TBC1D4: variants seen among roughly 807,000 people sequenced by gnomAD.
The protein encoded by TBC1D4 is TBC1 domain family member 4, also known as TBC (Tre-2, BUB2, CDC16) domain-containing protein.
Under a neutral mutation model 142.5 loss-of-function variants are expected in TBC1D4, and 121 were observed. That is an observed-to-expected ratio of 0.85 (90% CI 0.73 to 0.99). The LOEUF (loss-of-function observed/expected upper bound fraction) is 0.99, where lower values mean the gene tolerates loss of function less well. Among genes scored for constraint, TBC1D4 ranks in the 50% least tolerant of loss-of-function variants. The pLI is 0.00. For missense variants in TBC1D4, 1,475 were observed against 1,606.6 expected (o/e 0.92, Z 1.40); for synonymous variants, 630 against 628.2 (o/e 1.00, Z -0.04).
At chr13:75,443,230 A>G (rs977775558) in intron 1 of TBC1D4, among the ~76,000 whole-genome samples, 3 of 140,246 alleles carry the variant, frequency 2.1e-5, no homozygotes, top group African/African-American at 7.4e-5. Context: ...TGAAGAATGA[A>G]AAGGCAAGAA....
At chr13:75,369,738 A>C (rs760403952) in intron 1 of TBC1D4, among the ~76,000 whole-genome samples, 1 of 152,238 alleles carries the variant, frequency 6.6e-6, no homozygotes, top group African/African-American at 2.4e-5. Flanking sequence ...AAAATGAATT[A>C]GATGTGAAAA....
intron 1 of TBC1D4, among the ~76,000 whole-genome samples, chr13:75,474,148 TTAA>T (rs1888532582): frequency 1.3e-5 from 2 of 152,226 alleles, no homozygotes; most frequent in Non-Finnish European, 2.9e-5. Context: ...TTTTACAAAC[TTAA>T]TAAGCATATT....
intron 8 of TBC1D4, among the ~76,000 whole-genome samples, chr13:75,333,829 C>T (rs1473877184): frequency 6.6e-6 from 1 of 152,180 alleles, no homozygotes; most frequent in Non-Finnish European, 1.5e-5. Context: ...TATTCCTCAA[C>T]CTGTTCTTGA....
chr13:75,365,386 T>G (rs976054316), intron 1 of TBC1D4, among the ~76,000 whole-genome samples: 4 of 151,466 alleles, frequency 2.6e-5, no homozygotes, highest in African/African-American at 9.7e-5. Context: ...AACACTAGCA[T>G]TATACAGCCC....
At chr13:75,310,706 G>A (rs529206618) in intron 13 of TBC1D4, among the ~76,000 whole-genome samples, 21 of 152,050 alleles carry the variant, frequency 1.4e-4, no homozygotes, top group South Asian at 1.0e-3. Context: ...GGTAAATTAC[G>A]TGACTCTGGG....
intron 4 of TBC1D4, among the ~76,000 whole-genome samples, chr13:75,353,173 G>A (rs1326681028): frequency 6.6e-6 from 1 of 152,148 alleles, no homozygotes; most frequent in Non-Finnish European, 1.5e-5. Flanking sequence ...ATGCTAGGTG[G>A]AAAAATGCAG....
chr13:75,318,775 G>A (rs570349456), intron 12 of TBC1D4, among the ~76,000 whole-genome samples: 10 of 152,222 alleles, frequency 6.6e-5, no homozygotes, highest in East Asian at 1.9e-4. Context: ...GTGGAACAAC[G>A]TGTAGATGAA....
At chr13:75,410,898 T>A (rs953104509) in intron 1 of TBC1D4, among the ~76,000 whole-genome samples, 13 of 113,602 alleles carry the variant, frequency 1.1e-4, no homozygotes, top group African/African-American at 4.4e-4. Flanking sequence ...ATCGCGCCAC[T>A]GCACTCCAGC....
chr13:75,468,934 G>A (rs888363207), intron 1 of TBC1D4, among the ~76,000 whole-genome samples: 2 of 152,076 alleles, frequency 1.3e-5, no homozygotes, highest in East Asian at 3.8e-4. Flanking sequence ...AGTGCTCCCC[G>A]GAAGTGTAAA....
chr13:75,333,951 G>A (rs1185294691), intron 8 of TBC1D4, among the ~76,000 whole-genome samples: 1 of 152,170 alleles, frequency 6.6e-6, no homozygotes, highest in Non-Finnish European at 1.5e-5. Flanking sequence ...GAATACCACA[G>A]AAGCAGTTCT....
chr13:75,304,352 G>C (rs894856786), intron 15 of TBC1D4, among the ~76,000 whole-genome samples: 3 of 152,108 alleles, frequency 2.0e-5, no homozygotes, highest in Non-Finnish European at 4.4e-5. Flanking sequence ...AAGGCAGTCA[G>C]GATGCCTCAT....
intron 1 of TBC1D4, among the ~76,000 whole-genome samples, chr13:75,392,191 A>G (rs1450637112): frequency 6.6e-6 from 1 of 152,206 alleles, no homozygotes; most frequent in Admixed American, 6.5e-5. Context: ...ACATATAAAT[A>G]TGTGTTGGAT....
At chr13:75,478,771 T>C (rs989315782) in intron 1 of TBC1D4, among the ~76,000 whole-genome samples, 1 of 152,174 alleles carries the variant, frequency 6.6e-6, no homozygotes, top group African/African-American at 2.4e-5. Context: ...CAGCTTCCCC[T>C]ACTATGACAG....
At chr13:75,423,158 A>T (rs376158221) in intron 1 of TBC1D4, among the ~76,000 whole-genome samples, 1 of 152,210 alleles carries the variant, frequency 6.6e-6, no homozygotes, top group Non-Finnish European at 1.5e-5. Context: ...ATCACAAATT[A>T]GGTCTAAATA....
At chr13:75,458,158 G>A (rs1044290042) in intron 1 of TBC1D4, among the ~76,000 whole-genome samples, 12 of 152,130 alleles carry the variant, frequency 7.9e-5, no homozygotes, top group Non-Finnish European at 1.2e-4. Flanking sequence ...CTTGAAGGAT[G>A]GTGAATGTGA....
chr13:75,368,582 C>A (rs1883052620), intron 1 of TBC1D4, among the ~76,000 whole-genome samples: 2 of 152,208 alleles, frequency 1.3e-5, no homozygotes, highest in African/African-American at 2.4e-5. Context: ...CTACTAAGTT[C>A]TCTCCTCTCA....
chr13:75,450,701 T>C (rs922245400), intron 1 of TBC1D4, among the ~76,000 whole-genome samples: 4 of 152,178 alleles, frequency 2.6e-5, no homozygotes, highest in East Asian at 1.9e-4. Flanking sequence ...ATTGAGTCAT[T>C]AGACATATGG....
intron 12 of TBC1D4, among the ~76,000 whole-genome samples, chr13:75,313,430 C>G (rs748685486): frequency 6.6e-6 from 1 of 152,114 alleles, no homozygotes; most frequent in African/African-American, 2.4e-5. Flanking sequence ...GAACAGTCAA[C>G]CTTGGGATTA....
At chr13:75,446,948 G>C (rs1176452905) in intron 1 of TBC1D4, among the ~76,000 whole-genome samples, 1 of 152,240 alleles carries the variant, frequency 6.6e-6, no homozygotes, top group East Asian at 1.9e-4. Flanking sequence ...AGGACCTGAG[G>C]GGGTGGGAAC....
Sources: gnomAD v4.1 joint callset for allele counts (sites outside exome capture counted in the v4.1 genomes callset) on GRCh38, gnomAD v4.1.1 for gene constraint, MANE v1.5 for transcripts, NCBI Gene and HGNC (gene_info 2026-07-23, HGNC 2026-07-21) for gene names.